The following SANBR variants were observed in gnomAD, a reference collection of about 807,000 sequenced individuals.
SANBR encodes the protein SANT and BTB domain regulator of class switch recombination.
SANBR carries 77 observed loss-of-function variants against 101.8 expected under a neutral mutation model. The ratio of observed to expected loss-of-function variants is 0.76; its 90% CI spans 0.63 to 0.91. The LOEUF is 0.91. SANBR is among the 40% of genes least tolerant of loss of function. The pLI is 0.00. For synonymous variants in SANBR, 279 were observed against 274.7 expected (o/e 1.02, Z -0.15); for missense variants, 875 against 853.0 (o/e 1.03, Z -0.32).
At chr2:61,089,542 GGT>G (rs1682630796) in intron 10 of SANBR, 2 of 152,292 alleles carry the variant, frequency 1.3e-5, no homozygotes, top group Admixed American at 1.3e-4. Context: ...TGGGAATGGT[GGT>G]GCACACCTGT....
At position 61,077,163 on chromosome 2, in the gene SANBR, A is replaced by G. The variant is rs1198777345; in HGVS notation, c.670+5A>G. ...ATTGTGAGATGCCCACTTTAGGTAA[A>G]AAACAATCTGTTGCTTAATTTGTAG... is the stretch of plus-strand genomic sequence containing the variant. On this transcript the variant is annotated splice_donor_5th_base_variant and intron_variant, in intron 6 of 21. Transcript: ENST00000402291. 6.4e-7 allele frequency: 1 copy of G among 1,563,372 alleles called. No homozygotes were observed. The highest frequency in any genetic ancestry group is 8.8e-7 in the Non-Finnish European group (1 of 1,135,930).
intron 21 of SANBR, among the ~76,000 whole-genome samples, chr2:61,135,567 T>A (rs755824101): frequency 2.6e-5 from 4 of 152,208 alleles, no homozygotes; most frequent in Non-Finnish European, 4.4e-5. Flanking sequence ...TGATAATCGT[T>A]AAAAGACCAA....
chr2:61,104,443 C>T (rs2441463), intron 13 of SANBR, among the ~76,000 whole-genome samples: 82,521 of 149,940 alleles, frequency 0.55, 23,090 homozygotes, highest in Middle Eastern at 0.64. Context: ...GATCGTGCCA[C>T]TGCACTCCAG....
At chr2:61,121,494 T>C in intron 21 of SANBR, 1 of 390,106 alleles carries the variant, frequency 2.6e-6, no homozygotes, top group South Asian at 2.8e-5. Flanking sequence ...GTTTTCTGCT[T>C]GTTGGACTAG....
At chr2:61,098,121 T>G (rs1573630383) in intron 12 of SANBR, among the ~76,000 whole-genome samples, 1 of 129,996 alleles carries the variant, frequency 7.7e-6, no homozygotes, top group Non-Finnish European at 1.6e-5. Context: ...TTTTTTTTTT[T>G]GAGATGGGGT....
chr2:61,105,010 G>T lies in SANBR; in HGVS notation c.1511+1012G>T, dbSNP rs995649607. Among the ~76,000 whole-genome samples the T allele has an allele frequency of 2.8e-5, 4 of 143,058 alleles. No homozygotes were observed. The South Asian group carries it at 6.8e-4, about 24-fold the overall frequency. The allele number at this position is 143,058 out of a possible 152,430, so 93.9% of individuals were successfully genotyped here. A position where few individuals can be genotyped will look rare whatever the true frequency, so the allele number is the denominator to read the frequency against. On this transcript the variant is annotated intron_variant, in intron 13 of 21. Transcript: ENST00000402291. ...CCATGAGTTTGAACTCCTCGAATTC[G>T]GTAATTTCTGAAGTCACTTTCATCA...
intron 10 of SANBR, chr2:61,089,148 G>C (rs1682608060): frequency 2.0e-6 from 2 of 984,698 alleles, no homozygotes; most frequent in Non-Finnish European, 2.4e-6. Flanking sequence ...GGTAAATTTT[G>C]GTGAGGAAAA....
At chr2:61,083,065 C>T in intron 7 of SANBR, 89 bp from the exon 8 acceptor site, 2 of 1,080,840 alleles carry the variant, frequency 1.9e-6, no homozygotes, top group Non-Finnish European at 2.7e-6. Flanking sequence ...ATGGATTAGA[C>T]TTTTAATGAA....
Position 61,136,991 on chromosome 2 carries a change from C to T in SANBR, c.*45-473C>T, listed in dbSNP as rs759820240. On this transcript the variant is annotated intron_variant, in intron 21 of 21. Coordinates refer to the SANBR transcript ENST00000295031. Reference sequence around the variant, plus strand: ...TCCAAAACAACAACAACAACAACAACGATAATAATAATAATAATAATAATG... The same window carrying T: ...TCCAAAACAACAACAACAACAACAATGATAATAATAATAATAATAATAATG... Among the ~76,000 whole-genome samples, 28 of 150,612 alleles carry T rather than the reference C, an allele frequency of 1.9e-4. 1 individual carries two copies. Among genetic ancestry groups the T allele is most frequent in the African/African-American group, 3.9e-4 (16 of 40,810 alleles).
chr2:61,131,527 G>T (rs1338444392), intron 20 of SANBR, among the ~76,000 whole-genome samples: 2 of 152,104 alleles, frequency 1.3e-5, no homozygotes, highest in African/African-American at 4.8e-5. Context: ...ATTGTTGAAA[G>T]AAATTAACAT....
At chr2:61,106,888 G>A (rs1450459222) in intron 14 of SANBR, among the ~76,000 whole-genome samples, 1 of 152,170 alleles carries the variant, frequency 6.6e-6, no homozygotes, top group Admixed American at 6.5e-5. Context: ...CATGGGGCCA[G>A]CCACGGTGAC....
At position 61,121,183 on chromosome 2, in the gene SANBR, A is replaced by G; in HGVS notation, c.2029-2A>G. The G allele has an allele frequency of 6.5e-7, 1 of 1,548,342 alleles. No homozygotes were observed. The highest frequency in any genetic ancestry group is 8.7e-7 in the Non-Finnish European group (1 of 1,144,170). On this transcript the variant is annotated splice_acceptor_variant, in intron 20 of 21. Coordinates refer to ENST00000402291, the MANE Select transcript of SANBR (RefSeq NM_001129993.3). LOFTEE classifies it high-confidence loss of function. The stretch of plus-strand genomic sequence containing the variant: ...TAACAGTATTGCTTCTTTATTCTGC[A>G]GTTTGCAGGAGGTATTTATTCCAGG...
In SANBR at chr2:61,083,151, T is replaced by G; in HGVS notation, c.730-3T>G. Reference sequence around the variant, plus strand: ...TCGACATTTATTTTCTATGATTTTTTAGGTTGAACAGTGTATTCAGTATTG... The same window carrying G: ...TCGACATTTATTTTCTATGATTTTTGAGGTTGAACAGTGTATTCAGTATTG... On this transcript the variant is annotated splice_polypyrimidine_tract_variant and splice_region_variant and intron_variant, in intron 7 of 21. Transcript: ENST00000402291. The G allele has an allele frequency of 6.3e-7, 1 of 1,597,256 alleles. No homozygotes were observed. The highest frequency in any genetic ancestry group is 8.5e-7 in the Non-Finnish European group (1 of 1,169,736).
At chr2:61,067,883 A>T (rs1362714025) in intron 1 of SANBR, among the ~76,000 whole-genome samples, 1 of 152,224 alleles carries the variant, frequency 6.6e-6, no homozygotes, top group Non-Finnish European at 1.5e-5. Flanking sequence ...AAGGATTCAA[A>T]ACTAAATTGA....
intron 12 of SANBR, among the ~76,000 whole-genome samples, chr2:61,099,646 T>A (rs1683194973): frequency 6.6e-6 from 1 of 152,184 alleles, no homozygotes. Flanking sequence ...TAATAACTCA[T>A]AAGTTTTCTT....
rs778347648 is a variant in SANBR at position 61,083,325 on chromosome 2, A to T, written c.890+11A>T. 2.7e-6 allele frequency: 4 copies of T among 1,503,694 alleles called. No homozygotes were observed. The South Asian group carries it at 4.7e-5, about 18-fold the overall frequency. The allele number at this position is 1,503,694 out of a possible 1,614,324, so 93.1% of individuals were successfully genotyped here. On this transcript the variant is annotated intron_variant, in intron 8 of 21. Coordinates refer to ENST00000402291, the MANE Select transcript of SANBR (RefSeq NM_001129993.3). ...AGATAAATTTAAAAGGTAATTTCAAAAGTTTAATTTTAAACCTAATACTCC... is the reference window on the plus strand; with the variant it reads ...AGATAAATTTAAAAGGTAATTTCAATAGTTTAATTTTAAACCTAATACTCC...
chr2:61,133,779 GAGA>G (rs1283430997), intron 20 of SANBR, among the ~76,000 whole-genome samples: 1 of 152,178 alleles, frequency 6.6e-6, no homozygotes, highest in African/African-American at 2.4e-5. Context: ...GGGAAGGAGA[GAGA>G]AGAATGATAT....
Position 61,123,221 on chromosome 2 carries a change from C to CT in SANBR, c.*1062dup. ...AAATTATATGTAGGTCTCTGAAAAA[C>CT]TTTAAGATGCACTGTTTCTATTTTT... On this transcript the variant is annotated 3_prime_UTR_variant, in exon 22 of 22. Transcript: ENST00000402291. The CT allele has an allele frequency of 3.6e-5, 35 of 972,440 alleles. No homozygotes were observed. Among genetic ancestry groups the CT allele is most frequent in the Non-Finnish European group, 4.3e-5 (35 of 818,090 alleles). The allele number at this position is 972,440 out of a possible 1,614,324, so 60.2% of individuals were successfully genotyped here.
intron 8 of SANBR, among the ~76,000 whole-genome samples, chr2:61,086,321 A>AC (rs1682426634): frequency 6.6e-6 from 1 of 151,782 alleles, no homozygotes; most frequent in East Asian, 1.9e-4. Flanking sequence ...GAGCCACCAT[A>AC]CCCAACCTCT....
Sources: gnomAD v4.1 joint callset for allele counts (sites outside exome capture counted in the v4.1 genomes callset) on GRCh38, gnomAD v4.1.1 for gene constraint, MANE v1.5 for transcripts, NCBI Gene and HGNC (gene_info 2026-07-23, HGNC 2026-07-21) for gene names.